The following FAF1 variants were observed in gnomAD, a reference collection of about 807,000 sequenced individuals.
The protein encoded by FAF1 is FAS-associated factor 1.
FAF1 carries 25 observed loss-of-function variants against 92.5 expected under a neutral mutation model. That is an observed-to-expected ratio of 0.27 (90% CI 0.20 to 0.38). The LOEUF (loss-of-function observed/expected upper bound fraction) is 0.38. Among genes scored for constraint, FAF1 ranks in the 10% least tolerant of loss-of-function variants. The pLI is 1.00. For missense variants in FAF1, 636 were observed against 793.3 expected, an observed-to-expected ratio of 0.80 and a Z score of 2.38; for synonymous variants, 234 against 273.2, an observed-to-expected ratio of 0.86 and a Z score of 1.42.
intron 7 of FAF1, among the ~76,000 whole-genome samples, chr1:50,687,577 C>T (rs1325830838): frequency 1.3e-5 from 2 of 151,948 alleles, no homozygotes. Flanking sequence ...AGGTGAAACC[C>T]CGTCTCTACT....
intron 1 of FAF1, among the ~76,000 whole-genome samples, chr1:50,893,390 G>C (rs1644734404): frequency 6.6e-6 from 1 of 152,234 alleles, no homozygotes; most frequent in African/African-American, 2.4e-5. Context: ...ACCTGCATTA[G>C]GGGGCACCCC....
intron 1 of FAF1, among the ~76,000 whole-genome samples, chr1:50,945,404 C>T (rs1017545546): frequency 6.6e-6 from 1 of 152,206 alleles, no homozygotes; most frequent in African/African-American, 2.4e-5. Flanking sequence ...GCAGGAGCCA[C>T]ATCCCATGCC....
intron 1 of FAF1, among the ~76,000 whole-genome samples, chr1:50,860,720 A>C (rs1644425423): frequency 6.6e-6 from 1 of 151,792 alleles, no homozygotes. Flanking sequence ...ACAGCATTTA[A>C]CTCAGAAATC....
chr1:50,483,725 T>C (rs966660000), intron 17 of FAF1, among the ~76,000 whole-genome samples: 2 of 152,130 alleles, frequency 1.3e-5, no homozygotes, highest in Admixed American at 6.6e-5. Flanking sequence ...ATGAGGGTGA[T>C]AGTGGTGGAG....
intron 18 of FAF1, among the ~76,000 whole-genome samples, chr1:50,446,028 T>G (rs747520606): frequency 6.6e-6 from 1 of 152,202 alleles, no homozygotes; most frequent in Non-Finnish European, 1.5e-5. Context: ...ATCACTGCTG[T>G]TGAGAAAAAT....
intron 6 of FAF1, among the ~76,000 whole-genome samples, chr1:50,716,457 G>A (rs1215163303): frequency 2.0e-5 from 3 of 152,174 alleles, no homozygotes; most frequent in Admixed American, 6.5e-5. Context: ...GAAGCCAGCT[G>A]GACTTCCTGG....
At chr1:50,711,080 T>C (rs1485798612) in intron 6 of FAF1, among the ~76,000 whole-genome samples, 1 of 151,756 alleles carries the variant, frequency 6.6e-6, no homozygotes, top group Non-Finnish European at 1.5e-5. Flanking sequence ...CAGTTAATTT[T>C]GGTATTTTTA....
chr1:50,960,062 G>C lies in FAF1; in HGVS notation c.-251C>G, dbSNP rs1216284955. The C allele has an allele frequency of 5.1e-6, 2 of 395,296 alleles. No homozygotes were observed. The highest frequency in any genetic ancestry group is 7.2e-5 in the East Asian group (2 of 27,924). 24.5% of individuals were successfully genotyped at this position (395,296 alleles called of 1,614,324 possible). A position where few individuals can be genotyped will look rare whatever the true frequency, so the allele number is the denominator to read the frequency against. On this transcript the variant is annotated 5_prime_UTR_variant, in exon 1 of 19. Coordinates refer to ENST00000396153, the MANE Select transcript of FAF1 (RefSeq NM_007051.3). ...TGCGGAGCCCGCGTCGCAGCAGCCCGGACAGGAAGATTGGTCTGGATGTGG... is the reference window on the plus strand; with the variant it reads ...TGCGGAGCCCGCGTCGCAGCAGCCCCGACAGGAAGATTGGTCTGGATGTGG...
chr1:50,949,860 T>C lies in FAF1; in HGVS notation c.45+9907A>G, dbSNP rs189643203. Among the ~76,000 whole-genome samples, 152 of 152,186 alleles carry C rather than the reference T, an allele frequency of 1.0e-3. 2 individuals carry two copies. Among genetic ancestry groups the C allele is most frequent in the African/African-American group, 3.6e-3 (151 of 41,518 alleles). On this transcript the variant is annotated intron_variant, in intron 1 of 18. Transcript: ENST00000396153. Reference sequence around the variant, plus strand: ...CAGGTACATATAGCTCTACACAGATTACCATTCTTTTTTTTTCGAGACAGG... The same window carrying C: ...CAGGTACATATAGCTCTACACAGATCACCATTCTTTTTTTTTCGAGACAGG...
intron 8 of FAF1, among the ~76,000 whole-genome samples, chr1:50,626,608 A>G (rs1653509807): frequency 6.6e-6 from 1 of 152,184 alleles, no homozygotes; most frequent in Non-Finnish European, 1.5e-5. Context: ...TGCAGAAGTA[A>G]GCAAGAATCA....
At chr1:50,748,024 T>C (rs1248733768) in intron 4 of FAF1, among the ~76,000 whole-genome samples, 2 of 152,226 alleles carry the variant, frequency 1.3e-5, no homozygotes, top group Admixed American at 6.5e-5. Context: ...TAAACCTTTT[T>C]TCTTTATAAA....
intron 6 of FAF1, among the ~76,000 whole-genome samples, chr1:50,729,030 CTATCTA>C (rs1375361867): frequency 2.7e-4 from 20 of 74,508 alleles, no homozygotes; most frequent in East Asian, 1.1e-3. Context: ...ATCTATCTAT[CTATCTA>C]TATATATATA....
intron 12 of FAF1, among the ~76,000 whole-genome samples, chr1:50,575,294 A>T (rs891581049): frequency 2.0e-5 from 3 of 152,184 alleles, no homozygotes; most frequent in Non-Finnish European, 2.9e-5. Context: ...TTGCAATTTT[A>T]ATTAGGCAGA....
Position 50,580,254 on chromosome 1 carries a change from CATTT to C in FAF1, c.1113+2360_1113+2363del, listed in dbSNP as rs1650931434. ...TTAATTTATTTTCTGTTCCAGTCAACATTTGTCATTTTTAATCAGAGGAACTGAA... is the reference window on the plus strand; with the variant it reads ...TTAATTTATTTTCTGTTCCAGTCAACGTCATTTTTAATCAGAGGAACTGAA... On this transcript the variant is annotated intron_variant, in intron 12 of 18. Transcript: ENST00000396153. Among the ~76,000 whole-genome samples the C allele has an allele frequency of 4.6e-5, 7 of 151,696 alleles. No homozygotes were observed. The South Asian group carries it at 1.5e-3, about 32-fold the overall frequency.
At chr1:50,750,455 T>C (rs1480684562) in intron 4 of FAF1, among the ~76,000 whole-genome samples, 3 of 152,106 alleles carry the variant, frequency 2.0e-5, no homozygotes, top group Non-Finnish European at 4.4e-5. Flanking sequence ...ATAACCACCA[T>C]ACAATCAAGA....
At chr1:50,451,233 A>G (rs969530518) in intron 18 of FAF1, among the ~76,000 whole-genome samples, 1 of 152,212 alleles carries the variant, frequency 6.6e-6, no homozygotes, top group African/African-American at 2.4e-5. Context: ...AGGGGAGAAA[A>G]GATTAAAGTA....
At chr1:50,810,046 A>G (rs1036045089) in intron 2 of FAF1, among the ~76,000 whole-genome samples, 1 of 152,202 alleles carries the variant, frequency 6.6e-6, no homozygotes, top group African/African-American at 2.4e-5. Context: ...ACATGAGGTC[A>G]GCAGTTCGAG....
chr1:50,519,621 A>G (rs903535980), intron 15 of FAF1, among the ~76,000 whole-genome samples: 2 of 152,240 alleles, frequency 1.3e-5, no homozygotes, highest in Admixed American at 1.3e-4. Context: ...GATGAGTATA[A>G]TAGGAAATGA....
Position 50,551,764 on chromosome 1 carries a change from A to G in FAF1, c.1269-12036T>C, listed in dbSNP as rs148378190. 4.1e-3 allele frequency among the ~76,000 whole-genome samples: 620 copies of G among 152,364 alleles called. 8 individuals carry two copies. The highest frequency in any genetic ancestry group is 0.014 in the African/African-American group (573 of 41,590). On this transcript the variant is annotated intron_variant, in intron 13 of 18. Coordinates refer to ENST00000396153, the MANE Select transcript of FAF1 (RefSeq NM_007051.3). ...TTCAGAAATACAGGCTAAGGTAGAC[A>G]ATTCATTTGTCATCAGGAAATTCAA... is the stretch of plus-strand genomic sequence containing the variant.
Sources: allele counts gnomAD v4.1 joint callset (sites outside exome capture counted in the v4.1 genomes callset), GRCh38; gene constraint gnomAD v4.1.1; transcripts MANE v1.5; gene names NCBI Gene and HGNC (gene_info 2026-07-23, HGNC 2026-07-21).